The following WWOX variants were observed in gnomAD, a reference collection of about 807,000 sequenced individuals.
WWOX encodes the protein WW domain containing oxidoreductase.
A neutral mutation model predicts 46.2 loss-of-function variants in WWOX; 69 were observed. The observed-to-expected ratio is 1.49, with a 90% confidence interval of 1.23 to 1.82. The LOEUF is 1.82. WWOX is among the 40% of genes most tolerant of loss of function. The pLI is 0.00. For missense variants in WWOX, 919 were observed against 542.6 expected, an observed-to-expected ratio of 1.69 and a Z score of -6.89; for synonymous variants, 359 against 202.6, an observed-to-expected ratio of 1.77 and a Z score of -6.56.
At chr16:79,093,660 G>A (rs947806222) in intron 8 of WWOX, among the ~76,000 whole-genome samples, 7 of 152,252 alleles carry the variant, frequency 4.6e-5, no homozygotes, top group South Asian at 4.1e-4. Context: ...TACTTTTACC[G>A]CACACTTCCT....
At chr16:78,486,694 C>G (rs1213937390) in intron 8 of WWOX, among the ~76,000 whole-genome samples, 1 of 152,206 alleles carries the variant, frequency 6.6e-6, no homozygotes. Context: ...CTGCCTTAGC[C>G]TCCCGCGTAG....
At chr16:78,560,858 A>AT (rs200164239) in intron 8 of WWOX, among the ~76,000 whole-genome samples, 4,468 of 151,748 alleles carry the variant, frequency 0.029, 79 homozygotes, top group Middle Eastern at 0.071. Context: ...ATGCTGCAGA[A>AT]TTTTTTTTTC....
chr16:78,815,149 A>C (rs1368493659), intron 8 of WWOX, among the ~76,000 whole-genome samples: 1 of 152,064 alleles, frequency 6.6e-6, no homozygotes, highest in East Asian at 1.9e-4. Context: ...ACATAGTGAA[A>C]ACCCATCTCT....
At chr16:79,142,851 A>G (rs2050116145) in intron 8 of WWOX, among the ~76,000 whole-genome samples, 1 of 151,984 alleles carries the variant, frequency 6.6e-6, no homozygotes, top group Non-Finnish European at 1.5e-5. Flanking sequence ...GGGACACACC[A>G]TCATGCTGAG....
At chr16:78,765,031 C>A (rs1040217885) in intron 8 of WWOX, among the ~76,000 whole-genome samples, 1 of 152,162 alleles carries the variant, frequency 6.6e-6, no homozygotes, top group African/African-American at 2.4e-5. Context: ...GAACCCAGAT[C>A]CCTGCCCAAC....
chr16:78,967,897 A>AG (rs1249409079), intron 8 of WWOX, among the ~76,000 whole-genome samples: 1 of 152,180 alleles, frequency 6.6e-6, no homozygotes, highest in Non-Finnish European at 1.5e-5. Context: ...CTGCAGGAGG[A>AG]GGAGGGAACA....
intron 8 of WWOX, among the ~76,000 whole-genome samples, chr16:78,543,923 C>T (rs192681451): frequency 1.3e-5 from 2 of 152,248 alleles, no homozygotes; most frequent in African/African-American, 4.8e-5. Flanking sequence ...AACATCTCAA[C>T]AGCCTGCCAT....
intron 8 of WWOX, among the ~76,000 whole-genome samples, chr16:79,132,644 A>G (rs1484757848): frequency 6.6e-6 from 1 of 152,190 alleles, no homozygotes; most frequent in Non-Finnish European, 1.5e-5. Context: ...TAAAACAAGA[A>G]TAAATCCCTT....
At chr16:78,676,641 C>A (rs1016894204) in intron 8 of WWOX, among the ~76,000 whole-genome samples, 1 of 152,158 alleles carries the variant, frequency 6.6e-6, no homozygotes, top group African/African-American at 2.4e-5. Flanking sequence ...GCTGGATGTT[C>A]TGCATATTTG....
At chr16:78,524,803 A>G (rs1253166812) in intron 8 of WWOX, among the ~76,000 whole-genome samples, 4 of 103,532 alleles carry the variant, frequency 3.9e-5, no homozygotes, top group Admixed American at 2.2e-4. Context: ...AGTATGAACT[A>G]TTTTGATTTT....
rs527819505 is a variant in WWOX at position 78,115,902 on chromosome 16, T to A, written c.409+748T>A. Reference sequence around the variant, plus strand: ...ACATATGAAACGTTGCATTTGGCTGTCTTCTGTCAAGTTCTCTCTGTCCTT... The same window carrying A: ...ACATATGAAACGTTGCATTTGGCTGACTTCTGTCAAGTTCTCTCTGTCCTT... On this transcript the variant is annotated intron_variant, in intron 4 of 8. Coordinates refer to ENST00000566780, the MANE Select transcript of WWOX (RefSeq NM_016373.4). Among the ~76,000 whole-genome samples, 20 of 152,362 alleles carry A rather than the reference T, an allele frequency of 1.3e-4. No homozygotes were observed. The East Asian group carries it at 3.9e-3, about 29-fold the overall frequency.
At chr16:78,654,355 C>T (rs560512125) in intron 8 of WWOX, among the ~76,000 whole-genome samples, 12 of 152,340 alleles carry the variant, frequency 7.9e-5, no homozygotes, top group South Asian at 4.1e-4. Flanking sequence ...TCCTCATCAT[C>T]GTGTTCCTTC....
intron 8 of WWOX, among the ~76,000 whole-genome samples, chr16:79,170,329 G>C (rs1325237696): frequency 6.6e-6 from 1 of 152,152 alleles, no homozygotes; most frequent in Non-Finnish European, 1.5e-5. Flanking sequence ...ATCTATGCAA[G>C]GTCCCCCAGC....
At chr16:79,046,494 C>T (rs142508758) in intron 8 of WWOX, among the ~76,000 whole-genome samples, 10 of 152,280 alleles carry the variant, frequency 6.6e-5, no homozygotes, top group African/African-American at 1.9e-4. Flanking sequence ...GGTTCACTGT[C>T]TGGTGAAGGC....
intron 8 of WWOX, among the ~76,000 whole-genome samples, chr16:78,500,868 T>C (rs905509294): frequency 6.6e-6 from 1 of 152,144 alleles, no homozygotes; most frequent in African/African-American, 2.4e-5. Flanking sequence ...GGAGTCGATA[T>C]TTTCTGGCTC....
intron 8 of WWOX, among the ~76,000 whole-genome samples, chr16:78,617,640 A>G (rs1195456411): frequency 6.6e-6 from 1 of 152,092 alleles, no homozygotes; most frequent in East Asian, 1.9e-4. Context: ...ACTAGAAGTG[A>G]GTCCCCCTGC....
chr16:78,136,980 G>C lies in WWOX; in HGVS notation c.409+21826G>C, dbSNP rs376803138. 1.4e-3 allele frequency among the ~76,000 whole-genome samples: 218 copies of C among 152,330 alleles called. 5 individuals are homozygous for C. In the South Asian group the frequency reaches 0.041, roughly 28 times the overall value. On this transcript the variant is annotated intron_variant, in intron 4 of 8. Coordinates refer to ENST00000566780, the MANE Select transcript of WWOX (RefSeq NM_016373.4). ...AGAGCAGGGTGTGTGCTCTCTGTAA[G>C]AGGAGAGGAGAGGCAGAGCTGCGTG...
rs577035509 is a variant in WWOX, at chr16:78,169,404, G to T, written c.516+5115G>T. On this transcript the variant is annotated intron_variant, in intron 5 of 8. Transcript: ENST00000566780. ...CCTTTACCCAGTATCTATTGGAGTT[G>T]GGCTTCTGTTGCTTTATTTCTCGGG... Among the ~76,000 whole-genome samples the T allele has an allele frequency of 6.6e-5, 10 of 151,888 alleles. 1 individual carries two copies. The East Asian group carries it at 9.7e-4, about 15-fold the overall frequency.
chr16:78,702,596 A>T (rs976631243), intron 8 of WWOX, among the ~76,000 whole-genome samples: 1 of 151,672 alleles, frequency 6.6e-6, no homozygotes, highest in Non-Finnish European at 1.5e-5. Context: ...TGGAGGTTGT[A>T]GTGAGCTGAG....
Sources: gnomAD v4.1 joint callset for allele counts (sites outside exome capture counted in the v4.1 genomes callset) on GRCh38, gnomAD v4.1.1 for gene constraint, MANE v1.5 for transcripts, NCBI Gene and HGNC (gene_info 2026-07-23, HGNC 2026-07-21) for gene names.